The following GRIN2A variants were observed in gnomAD, a reference collection of about 807,000 sequenced individuals.
GRIN2A encodes glutamate receptor ionotropic, NMDA 2A.
In GRIN2A, 22 loss-of-function variants were observed where a neutral mutation model predicts 113.4. That is an observed-to-expected ratio of 0.19 (90% CI 0.14 to 0.28). GRIN2A has a LOEUF of 0.28. Ranked by LOEUF, GRIN2A falls within the 10% of genes least tolerant of loss-of-function variation. GRIN2A has a pLI of 1.00. For synonymous variants in GRIN2A, 827 were observed against 738.4 expected (o/e 1.12, Z -1.94); for missense variants, 1,502 against 1,887.0 (o/e 0.80, Z 3.78).
At chr16:10,120,855 C>T (rs2048819046) in intron 2 of GRIN2A, among the ~76,000 whole-genome samples, 1 of 152,024 alleles carries the variant, frequency 6.6e-6, no homozygotes, top group South Asian at 2.1e-4. Flanking sequence ...CCCCATGGTC[C>T]CCTATTTCCA....
At chr16:10,033,153 G>A (rs916486453) in intron 2 of GRIN2A, among the ~76,000 whole-genome samples, 1 of 152,212 alleles carries the variant, frequency 6.6e-6, no homozygotes, top group Non-Finnish European at 1.5e-5. Flanking sequence ...ACCGTGAACT[G>A]TTATAATTCC....
rs142486205 is a variant in GRIN2A, at chr16:9,756,852, C to T, written c.*6297G>A. 1 of 183,774 alleles carries T rather than the reference C, an allele frequency of 5.4e-6. No individual in the cohort carries two copies. The highest frequency in any genetic ancestry group is 1.2e-5 in the Non-Finnish European group (1 of 86,502). The allele number at this position is 183,774 out of a possible 1,614,324, so 11.4% of individuals were successfully genotyped here. ...CTCCCTCTCCACCTCGCCATCCTTCCTGAAATACACCTCTATTCCTTTTGC... is the reference window on the plus strand; with the variant it reads ...CTCCCTCTCCACCTCGCCATCCTTCTTGAAATACACCTCTATTCCTTTTGC... On this transcript the variant is annotated 3_prime_UTR_variant, in exon 13 of 13. Coordinates refer to ENST00000330684, the MANE Select transcript of GRIN2A (RefSeq NM_001134407.3).
At chr16:9,792,840 C>T (rs552485941) in intron 11 of GRIN2A, among the ~76,000 whole-genome samples, 1 of 152,172 alleles carries the variant, frequency 6.6e-6, no homozygotes, top group Non-Finnish European at 1.5e-5. Context: ...CGCCTGCAAA[C>T]CAGGTTTCTC....
chr16:10,055,080 AAAAAAGAAAAAAG>A (rs2047428785), intron 2 of GRIN2A, among the ~76,000 whole-genome samples: 2 of 78,872 alleles, frequency 2.5e-5, no homozygotes, highest in African/African-American at 6.3e-5. Flanking sequence ...AAAAAAAAAA[AAAAAAGAAAAAAG>A]AAAGAAAGAA....
intron 4 of GRIN2A, among the ~76,000 whole-genome samples, chr16:9,883,930 G>A (rs991586772): frequency 6.6e-6 from 1 of 152,062 alleles, no homozygotes. Flanking sequence ...CTGGAACATC[G>A]GTATCATCTT....
At chr16:10,041,371 G>T (rs1015667786) in intron 2 of GRIN2A, among the ~76,000 whole-genome samples, 2 of 152,124 alleles carry the variant, frequency 1.3e-5, no homozygotes, top group Non-Finnish European at 2.9e-5. Flanking sequence ...CTTCTGTAAA[G>T]GTTCAATAAA....
At chr16:10,148,194 G>A (rs1414741417) in intron 2 of GRIN2A, among the ~76,000 whole-genome samples, 1 of 152,128 alleles carries the variant, frequency 6.6e-6, no homozygotes, top group Non-Finnish European at 1.5e-5. Flanking sequence ...TTTGTACATA[G>A]AGTTTCATTA....
rs1477366807 is a variant in GRIN2A, at chr16:9,934,168, G to A, written c.1007+3791C>T. 1.1e-4 allele frequency among the ~76,000 whole-genome samples: 17 copies of A among 152,156 alleles called. No homozygotes were observed. In the East Asian group the frequency reaches 1.9e-3, roughly 17 times the overall value. On this transcript the variant is annotated intron_variant, in intron 3 of 12. Coordinates refer to ENST00000330684, the MANE Select transcript of GRIN2A (RefSeq NM_001134407.3). ...AGCTTTGTTCCCTATGATGAATATCGGGTTGAGTATTTTATCAGATTCTGT... is the reference window on the plus strand; with the variant it reads ...AGCTTTGTTCCCTATGATGAATATCAGGTTGAGTATTTTATCAGATTCTGT...
At chr16:9,792,249 G>A (rs929083473) in intron 11 of GRIN2A, among the ~76,000 whole-genome samples, 1 of 152,080 alleles carries the variant, frequency 6.6e-6, no homozygotes. Flanking sequence ...TGGAGACAAG[G>A]TCTCACTCTG....
At chr16:10,056,597 T>C (rs2047460462) in intron 2 of GRIN2A, among the ~76,000 whole-genome samples, 1 of 152,140 alleles carries the variant, frequency 6.6e-6, no homozygotes, top group African/African-American at 2.4e-5. Flanking sequence ...TCAACTAAAT[T>C]AATATGAGGT....
intron 2 of GRIN2A, among the ~76,000 whole-genome samples, chr16:10,151,576 T>G (rs995733905): frequency 6.6e-6 from 1 of 152,206 alleles, no homozygotes; most frequent in Non-Finnish European, 1.5e-5. Flanking sequence ...AACAGGACAT[T>G]TTCTGCAAGA....
At chr16:10,058,853 T>C (rs568975497) in intron 2 of GRIN2A, among the ~76,000 whole-genome samples, 25 of 152,366 alleles carry the variant, frequency 1.6e-4, no homozygotes, top group African/African-American at 5.5e-4. Flanking sequence ...GTGTCTTCCC[T>C]AATGAGCTTA....
intron 2 of GRIN2A, among the ~76,000 whole-genome samples, chr16:10,138,923 C>G (rs750390988): frequency 6.6e-6 from 1 of 152,132 alleles, no homozygotes; most frequent in South Asian, 2.1e-4. Flanking sequence ...AGAACATCAT[C>G]CACTAAGGTC....
intron 2 of GRIN2A, among the ~76,000 whole-genome samples, chr16:10,175,980 A>G (rs900154668): frequency 7.0e-6 from 1 of 143,428 alleles, no homozygotes; most frequent in Non-Finnish European, 1.5e-5. Flanking sequence ...TTCACCTCTT[A>G]TTTATTGATT....
intron 3 of GRIN2A, among the ~76,000 whole-genome samples, chr16:9,918,227 T>C (rs915541613): frequency 1.3e-5 from 2 of 152,200 alleles, no homozygotes; most frequent in East Asian, 3.8e-4. Flanking sequence ...GAAATTTGAT[T>C]CCAAAGCCTG....
chr16:10,111,339 C>T lies in GRIN2A; in HGVS notation c.414+68659G>A, dbSNP rs561948750. 274 of 395,802 alleles carry T rather than the reference C, an allele frequency of 6.9e-4. 1 individual carries two copies. The Middle Eastern group carries it at 7.5e-3, about 11-fold the overall frequency. The allele number at this position is 395,802 out of a possible 1,614,324, so 24.5% of individuals were successfully genotyped here. On this transcript the variant is annotated intron_variant, in intron 2 of 12. Coordinates refer to ENST00000330684, the MANE Select transcript of GRIN2A (RefSeq NM_001134407.3). ...CAGCAGCAGCGGCAGCAGCGGCAGG[C>T]GGCCGCGCGGGTGTTTGTCGCTTCG...
At chr16:9,847,209 G>A (rs544793030) in intron 5 of GRIN2A, among the ~76,000 whole-genome samples, 1 of 152,120 alleles carries the variant, frequency 6.6e-6, no homozygotes, top group South Asian at 2.1e-4. Flanking sequence ...AAGAATGTGT[G>A]GGGGGAAGGA....
rs568323800 is a variant in GRIN2A at position 9,758,650 on chromosome 16, G to C, written c.*4499C>G. The C allele has an allele frequency of 4.7e-5, 10 of 214,020 alleles. No individual in the cohort carries two copies. In the South Asian group the frequency reaches 1.9e-3, roughly 40 times the overall value. The allele number at this position is 214,020 out of a possible 1,614,324, so 13.3% of individuals were successfully genotyped here. On this transcript the variant is annotated 3_prime_UTR_variant, in exon 13 of 13. Transcript: ENST00000330684. ...TATATACATGTGTACACAAGCAGTT[G>C]TATTCACAGGATAAGTGCATTTGAT... is the stretch of plus-strand genomic sequence containing the variant.
intron 3 of GRIN2A, among the ~76,000 whole-genome samples, chr16:9,926,623 C>T (rs2044471156): frequency 1.3e-5 from 2 of 152,064 alleles, no homozygotes; most frequent in South Asian, 2.1e-4. Flanking sequence ...GAAATAAATA[C>T]ACATAATGAT....
Sources: allele counts gnomAD v4.1 joint callset (sites outside exome capture counted in the v4.1 genomes callset), GRCh38; gene constraint gnomAD v4.1.1; transcripts MANE v1.5; gene names NCBI Gene and HGNC (gene_info 2026-07-23, HGNC 2026-07-21).